The following TMOD1 variants were observed in gnomAD, a reference collection of about 807,000 sequenced individuals.
TMOD1 encodes the protein tropomodulin-1.
A neutral mutation model predicts 40.6 loss-of-function variants in TMOD1; 17 were observed. The ratio of observed to expected loss-of-function variants is 0.42; its 90% CI spans 0.29 to 0.63. TMOD1 has a LOEUF of 0.63. Among genes scored for constraint, TMOD1 ranks in the 20% least tolerant of loss-of-function variants. The pLI is 0.22. For synonymous variants in TMOD1, 181 were observed against 175.0 expected (o/e 1.03, Z -0.27); for missense variants, 391 against 447.6 (o/e 0.87, Z 1.14).
At chr9:97,539,692 T>C (rs1830244871) in intron 2 of TMOD1, among the ~76,000 whole-genome samples, 1 of 151,448 alleles carries the variant, frequency 6.6e-6, no homozygotes, top group South Asian at 2.1e-4. Context: ...TCAGCCCGGG[T>C]GAGGTGGCTC....
At chr9:97,548,463 G>T (rs978179430) in intron 3 of TMOD1, among the ~76,000 whole-genome samples, 3 of 152,182 alleles carry the variant, frequency 2.0e-5, no homozygotes, top group Admixed American at 2.0e-4. Context: ...GGGGTGGCAG[G>T]AGAGAAGGTG....
intron 1 of TMOD1, among the ~76,000 whole-genome samples, chr9:97,521,192 C>G (rs910209724): frequency 6.6e-6 from 1 of 152,144 alleles, no homozygotes; most frequent in Admixed American, 6.5e-5. Context: ...GATTCCATTT[C>G]CGGGTGCAGT....
At chr9:97,595,930 C>T (rs1020179955) in intron 9 of TMOD1, among the ~76,000 whole-genome samples, 8 of 151,848 alleles carry the variant, frequency 5.3e-5, no homozygotes, top group African/African-American at 1.2e-4. Flanking sequence ...AAAAATTAGC[C>T]GGGCATGGTG....
chr9:97,542,777 G>A (rs1830293000), intron 2 of TMOD1, among the ~76,000 whole-genome samples: 1 of 151,246 alleles, frequency 6.6e-6, no homozygotes, highest in Admixed American at 6.6e-5. Flanking sequence ...TTGAACCCGG[G>A]AGGCAGAAGT....
intron 4 of TMOD1, chr9:97,555,602 G>T (rs1830525213): frequency 3.2e-6 from 5 of 1,550,060 alleles, no homozygotes; most frequent in Non-Finnish European, 4.4e-6. Flanking sequence ...AGTGTTAACT[G>T]GCTAACCTTG....
At chr9:97,526,998 C>T (rs940444740) in intron 2 of TMOD1, among the ~76,000 whole-genome samples, 1 of 152,148 alleles carries the variant, frequency 6.6e-6, no homozygotes, top group African/African-American at 2.4e-5. Flanking sequence ...CTGATATTCA[C>T]GATCTTCCCC....
In TMOD1 at chr9:97,599,780, A is replaced by G; in HGVS notation, c.*82A>G. ...CTCTGCAGGGGAAACCAGAAGGCAA[A>G]ATGCTGGCAGCATGAAACCCTTTTG... On this transcript the variant is annotated 3_prime_UTR_variant, in exon 10 of 10. Transcript: ENST00000259365. 6.2e-7 allele frequency: 1 copy of G among 1,606,072 alleles called. No individual in the cohort carries two copies. The highest frequency in any genetic ancestry group is 8.5e-7 in the Non-Finnish European group (1 of 1,175,028).
chr9:97,504,917 A>T (rs1364538740), intron 1 of TMOD1, among the ~76,000 whole-genome samples: 1 of 152,184 alleles, frequency 6.6e-6, no homozygotes, highest in Non-Finnish European at 1.5e-5. Context: ...TAAATCAATT[A>T]TTGGGCTGCT....
chr9:97,523,512 T>C (rs1314954376), intron 1 of TMOD1, among the ~76,000 whole-genome samples: 1 of 152,218 alleles, frequency 6.6e-6, no homozygotes. Flanking sequence ...GTCGTTTGGG[T>C]AAGTCACTTA....
chr9:97,563,587 T>C (rs1392520631), intron 5 of TMOD1, among the ~76,000 whole-genome samples: 1 of 152,228 alleles, frequency 6.6e-6, no homozygotes, highest in Non-Finnish European at 1.5e-5. Flanking sequence ...TGCATTGCCT[T>C]AATTACTCCA....
In TMOD1 at chr9:97,538,779, G is replaced by A. The variant is rs566702989; in HGVS notation, c.121-7406G>A. On this transcript the variant is annotated intron_variant, in intron 2 of 9. Coordinates refer to ENST00000259365, the MANE Select transcript of TMOD1 (RefSeq NM_003275.4). ...TGGGAGGCCAAGGTGGGTGGATCAC[G>A]AGATCAGGAGTTTGACACCAGCCTG... 5.3e-5 allele frequency among the ~76,000 whole-genome samples: 8 copies of A among 151,742 alleles called. No individual in the cohort carries two copies. In the South Asian group the frequency reaches 1.3e-3, roughly 24 times the overall value.
chr9:97,521,879 G>A (rs1178798066), intron 1 of TMOD1, among the ~76,000 whole-genome samples: 2 of 152,188 alleles, frequency 1.3e-5, no homozygotes, highest in Admixed American at 1.3e-4. Flanking sequence ...TTTTCTGTTA[G>A]CTTAGTGAAC....
intron 8 of TMOD1, among the ~76,000 whole-genome samples, chr9:97,575,049 C>T (rs1830905176): frequency 1.3e-5 from 2 of 152,224 alleles, no homozygotes; most frequent in Admixed American, 1.3e-4. Flanking sequence ...TGGCAACCCG[C>T]TCGGGTCCAC....
chr9:97,537,742 T>G (rs956536691), intron 2 of TMOD1, among the ~76,000 whole-genome samples: 8 of 152,374 alleles, frequency 5.3e-5, no homozygotes, highest in Non-Finnish European at 1.2e-4. Context: ...AAACTTTGTA[T>G]TTTCAAAATT....
At chr9:97,575,415 T>C (rs765911632) in intron 8 of TMOD1, among the ~76,000 whole-genome samples, 1 of 152,226 alleles carries the variant, frequency 6.6e-6, no homozygotes, top group Non-Finnish European at 1.5e-5. Flanking sequence ...GGCTTCATTC[T>C]TGCAGTCAGT....
chr9:97,586,839 A>T (rs985998289), intron 8 of TMOD1, among the ~76,000 whole-genome samples: 1 of 152,198 alleles, frequency 6.6e-6, no homozygotes, highest in Non-Finnish European at 1.5e-5. Context: ...TTCCCAGGTG[A>T]GGCAATGCCT....
chr9:97,600,968 T>TA lies in TMOD1; in HGVS notation c.*1273dup. 8.6e-7 allele frequency: 1 copy of TA among 1,161,970 alleles called. No homozygotes were observed. Among genetic ancestry groups the TA allele is most frequent in the East Asian group, 7.5e-5 (1 of 13,302 alleles). 72.0% of individuals were successfully genotyped at this position (1,161,970 alleles called of 1,614,324 possible). A position where few individuals can be genotyped will look rare whatever the true frequency, so the allele number is the denominator to read the frequency against. ...TTAGTGATTTCAGCAAATCTCATGATAAAGGACAAGGTCAAGAACTCCAGA... is the reference window on the plus strand; with the variant it reads ...TTAGTGATTTCAGCAAATCTCATGATAAAAGGACAAGGTCAAGAACTCCAGA... On this transcript the variant is annotated 3_prime_UTR_variant, in exon 10 of 10. Coordinates refer to ENST00000259365, the MANE Select transcript of TMOD1 (RefSeq NM_003275.4).
At chr9:97,506,368 G>A (rs2131203817) in intron 1 of TMOD1, among the ~76,000 whole-genome samples, 1 of 152,292 alleles carries the variant, frequency 6.6e-6, no homozygotes, top group South Asian at 2.1e-4. Context: ...AGAGCTTAAT[G>A]TGTGACATAG....
intron 8 of TMOD1, among the ~76,000 whole-genome samples, chr9:97,578,940 G>A (rs1825679321): frequency 6.6e-6 from 1 of 152,168 alleles, no homozygotes; most frequent in Non-Finnish European, 1.5e-5. Flanking sequence ...GGGAGGGTGG[G>A]TGGAGGAGCT....
Sources: allele counts gnomAD v4.1 joint callset (sites outside exome capture counted in the v4.1 genomes callset), GRCh38; gene constraint gnomAD v4.1.1; transcripts MANE v1.5; gene names NCBI Gene and HGNC (gene_info 2026-07-23, HGNC 2026-07-21).